Variants in SMARCA2 observed in about 807,000 individuals in gnomAD.
SMARCA2 encodes the protein SWI/SNF-related matrix-associated actin-dependent regulator of chromatin subfamily A member 2.
Under a neutral mutation model 199.8 loss-of-function variants are expected in SMARCA2, and 61 were observed. The observed-to-expected ratio is 0.31, with a 90% confidence interval of 0.25 to 0.38. The LOEUF is 0.38. Among genes scored for constraint, SMARCA2 ranks in the 10% least tolerant of loss-of-function variants. SMARCA2 has a pLI of 1.00. For missense variants in SMARCA2, 1,344 were observed against 2,012.2 expected, an observed-to-expected ratio of 0.67 and a Z score of 6.35; for synonymous variants, 935 against 732.0, an observed-to-expected ratio of 1.28 and a Z score of -4.48.
At chr9:2,026,056 T>C (rs1818815162) in intron 1 of SMARCA2, among the ~76,000 whole-genome samples, 2 of 152,106 alleles carry the variant, frequency 1.3e-5, no homozygotes, top group African/African-American at 4.8e-5. Flanking sequence ...ATCCTGAGCC[T>C]AGAGGAAGTC....
intron 22 of SMARCA2, among the ~76,000 whole-genome samples, chr9:2,102,787 A>G (rs533230051): frequency 6.6e-6 from 1 of 152,254 alleles, no homozygotes; most frequent in Non-Finnish European, 1.5e-5. Context: ...AAGGTACGCC[A>G]GACCTCATCA....
chr9:2,164,934 A>G (rs1467873328), intron 28 of SMARCA2, among the ~76,000 whole-genome samples: 1 of 152,218 alleles, frequency 6.6e-6, no homozygotes, highest in Non-Finnish European at 1.5e-5. Flanking sequence ...ATCCTCTAGA[A>G]AAAGCACTAA....
chr9:2,140,580 G>A (rs1402005492), intron 27 of SMARCA2, among the ~76,000 whole-genome samples: 1 of 152,164 alleles, frequency 6.6e-6, no homozygotes, highest in Admixed American at 6.5e-5. Context: ...AAACTGTAAA[G>A]TAGAATTTAT....
intron 29 of SMARCA2, among the ~76,000 whole-genome samples, chr9:2,175,780 CCTT>C (rs1484803891): frequency 6.6e-5 from 10 of 152,076 alleles, no homozygotes; most frequent in Admixed American, 1.3e-4. Context: ...TGGCATATCT[CCTT>C]CTGGTCGTTT....
intron 27 of SMARCA2, among the ~76,000 whole-genome samples, chr9:2,128,572 C>G (rs759143108): frequency 3.3e-5 from 5 of 152,214 alleles, no homozygotes; most frequent in African/African-American, 4.8e-5. Context: ...CCTGAAGCTT[C>G]TAGAATCTGA....
chr9:2,031,535 G>T (rs1020146427), intron 2 of SMARCA2, among the ~76,000 whole-genome samples: 3 of 152,200 alleles, frequency 2.0e-5, no homozygotes, highest in Non-Finnish European at 4.4e-5. Context: ...ATGTGTGAGT[G>T]TTGGGTCAGT....
At chr9:2,054,198 G>A (rs569905385) in intron 5 of SMARCA2, among the ~76,000 whole-genome samples, 1 of 152,312 alleles carries the variant, frequency 6.6e-6, no homozygotes, top group African/African-American at 2.4e-5. Context: ...CTAGAAGTTC[G>A]GAAGAAAAAA....
chr9:2,113,024 C>A (rs574193161), intron 24 of SMARCA2, among the ~76,000 whole-genome samples: 4 of 152,244 alleles, frequency 2.6e-5, no homozygotes, highest in African/African-American at 7.2e-5. Context: ...TACCTTGCAC[C>A]CTTGCATATA....
Position 2,073,262 on chromosome 9 carries a change from C to T in SMARCA2, c.1797C>T (p.His599=). 1 of 1,614,154 alleles carries T rather than the reference C, an allele frequency of 6.2e-7. No individual in the cohort carries two copies. The highest frequency in any genetic ancestry group is 8.5e-7 in the Non-Finnish European group (1 of 1,180,022). The stretch of plus-strand genomic sequence containing the variant: ...GTGACCTCCCTGTCAAAGTGACTCA[C>T]ACAGAAACCGGCAAGGTTCTGTTCG... The part of the protein sequence containing the change: ...QMSDLPVKVT[H]TETGKVLFGP... The change falls in exon 11 of 34, where the codon CAC becomes CAT. Residue 599 remains histidine (H), a synonymous_variant. Coordinates refer to ENST00000349721, the MANE Select transcript of SMARCA2 (RefSeq NM_003070.5).
Position 2,015,869 on chromosome 9 carries a change from G to C in SMARCA2, c.-37+465G>C, listed in dbSNP as rs78977332. 2.8e-3 allele frequency: 422 copies of C among 152,440 alleles called. 4 individuals are homozygous for C. Among genetic ancestry groups the C allele is most frequent in the African/African-American group, 9.6e-3 (400 of 41,562 alleles). 9.4% of individuals were successfully genotyped at this position (152,440 alleles called of 1,614,324 possible). A position where few individuals can be genotyped will look rare whatever the true frequency, so the allele number is the denominator to read the frequency against. Reference sequence around the variant, plus strand: ...CCCTTAAAAGTGAGGCGGCGGGGAGGGGGGTGGCCGCAGGAGGGGGAAGGC... The same window carrying C: ...CCCTTAAAAGTGAGGCGGCGGGGAGCGGGGTGGCCGCAGGAGGGGGAAGGC... On this transcript the variant is annotated intron_variant, in intron 1 of 33. Transcript: ENST00000349721.
Position 2,084,087 on chromosome 9 carries a change from G to A in SMARCA2, c.2417G>A (p.Gly806Asp). ...APSVVKISYK[G>D]TPAMRRSLVP... Reference sequence around the variant, plus strand: ...ATGTATTTTTTTCTTTCCATTCAGGGTACTCCTGCCATGCGTCGCTCCCTT... The same window carrying A: ...ATGTATTTTTTTCTTTCCATTCAGGATACTCCTGCCATGCGTCGCTCCCTT... Residue 806 changes from glycine to aspartate, a missense_variant and splice_region_variant, in exon 17 of 34, where the codon GGT becomes GAT. Physicochemically the swap from Gly to Asp is moderately conservative, Grantham distance 94. Coordinates refer to ENST00000349721, the MANE Select transcript of SMARCA2 (RefSeq NM_003070.5). The A allele has an allele frequency of 6.3e-7, 1 of 1,589,058 alleles. No homozygotes were observed. Among genetic ancestry groups the A allele is most frequent in the Non-Finnish European group, 8.6e-7 (1 of 1,157,580 alleles).
rs767728769 is a variant in SMARCA2, at chr9:2,170,374, G to A, written c.4200-45G>A. On this transcript the variant is annotated intron_variant, in intron 28 of 33. Coordinates refer to ENST00000349721, the MANE Select transcript of SMARCA2 (RefSeq NM_003070.5). This position sits in a 1 kb window ranked among gnomAD's most constrained non-coding sequence, Gnocchi z 4.7. ...GGAAGAAGGAGCCGGGCGGGGACGA[G>A]AACCCAGGTCTTCTGACTCTAGTGT... The A allele has an allele frequency of 6.2e-7, 1 of 1,613,172 alleles. No individual in the cohort carries two copies. The highest frequency in any genetic ancestry group is 1.7e-5 in the Admixed American group (1 of 59,990).
At chr9:2,084,782 AAG>A (rs1363611341) in intron 17 of SMARCA2, among the ~76,000 whole-genome samples, 1 of 152,114 alleles carries the variant, frequency 6.6e-6, no homozygotes, top group East Asian at 1.9e-4. Flanking sequence ...GAAACTGAGA[AAG>A]AGGTGTTTCT....
chr9:2,175,147 T>A (rs1156813014), intron 29 of SMARCA2, among the ~76,000 whole-genome samples: 1 of 152,032 alleles, frequency 6.6e-6, no homozygotes, highest in East Asian at 1.9e-4. Context: ...GTCATCACAT[T>A]TAGTCAGATG....
rs781034714 is a variant in SMARCA2, at chr9:2,039,872, G to A, written c.762G>A (p.Pro254=). ...CACAGACGCAGCAACAACAGCAGCC[G>A]GCCCTTGTTAACTACAACAGACCAT... The part of the protein sequence containing the change: ...PQPQTQQQQQ[P]ALVNYNRPSG... Residue 254 remains proline (P), a synonymous_variant, in exon 4 of 34, where the codon CCG becomes CCA. Transcript: ENST00000349721. This position sits in a 1 kb window ranked among gnomAD's most constrained non-coding sequence, Gnocchi z 4.8. 48 of 1,613,740 alleles carry A rather than the reference G, an allele frequency of 3.0e-5. No homozygotes were observed. Among genetic ancestry groups the A allele is most frequent in the Middle Eastern group, 1.6e-4 (1 of 6,078 alleles).
intron 23 of SMARCA2, among the ~76,000 whole-genome samples, chr9:2,107,609 T>TGC (rs1258977572): frequency 1.3e-5 from 2 of 152,226 alleles, no homozygotes; most frequent in African/African-American, 4.8e-5. Context: ...TGAGCCACCA[T>TGC]GCCTGGCCTA....
intron 19 of SMARCA2, 59 bp downstream of exon 19, chr9:2,088,672 G>A: frequency 4.5e-6 from 5 of 1,111,260 alleles, no homozygotes; most frequent in Middle Eastern, 2.0e-4. Context: ...TATATTTGAA[G>A]TACCTGCCTC....
At chr9:2,100,979 A>G (rs1334011733) in intron 21 of SMARCA2, among the ~76,000 whole-genome samples, 17 of 152,120 alleles carry the variant, frequency 1.1e-4, no homozygotes, top group Non-Finnish European at 2.5e-4. Flanking sequence ...GCAAGTGAAA[A>G]GGGAAACCCC....
chr9:2,131,937 CA>C (rs140860181), intron 27 of SMARCA2, among the ~76,000 whole-genome samples: 35,448 of 91,090 alleles, frequency 0.39, 7,209 homozygotes, highest in African/African-American at 0.66. Context: ...AACTCCATCT[CA>C]AAAAAAAAAA....
Sources: gnomAD v4.1 joint callset for allele counts (sites outside exome capture counted in the v4.1 genomes callset) on GRCh38, gnomAD v4.1.1 for gene constraint, Gnocchi (gnomAD v3.1) non-coding constraint, MANE v1.5 for transcripts, NCBI Gene and HGNC (gene_info 2026-07-23, HGNC 2026-07-21) for gene names.